SRSF11: variants seen among roughly 807,000 people sequenced by gnomAD.
SRSF11 encodes the protein serine/arginine-rich splicing factor 11.
Under a neutral mutation model 56.0 loss-of-function variants are expected in SRSF11, and 9 were observed. The observed-to-expected ratio is 0.16, with a 90% confidence interval of 0.10 to 0.28. SRSF11 has a LOEUF of 0.28. Among genes scored for constraint, SRSF11 ranks in the 10% least tolerant of loss-of-function variants. SRSF11 has a pLI of 1.00. For synonymous variants in SRSF11, 222 were observed against 215.3 expected (o/e 1.03, Z -0.27); for missense variants, 421 against 600.7 (o/e 0.70, Z 3.13).
chr1:70,234,711 C>T lies in SRSF11; in HGVS notation c.463C>T (p.Leu155=). 1 of 1,606,264 alleles carries T rather than the reference C, an allele frequency of 6.2e-7. No homozygotes were observed. Among genetic ancestry groups the T allele is most frequent in the Non-Finnish European group, 8.5e-7 (1 of 1,177,260 alleles). The change falls in exon 4 of 12, where the codon CTG becomes TTG. Residue 155 remains leucine, a synonymous_variant. Coordinates refer to ENST00000370949, the MANE Select transcript of SRSF11 (RefSeq NM_001350605.2). ...CATTTCACAGATTGGCGCTGTTCCA[C>T]TGGCTGCTTTGGGGGCTCCTACTCT... ...NPLTQIGAVP[L]AALGAPTLDP... is the part of the protein sequence containing the mutation.
chr1:70,243,285 A>C (rs536176232), intron 7 of SRSF11, among the ~76,000 whole-genome samples: 3 of 141,578 alleles, frequency 2.1e-5, no homozygotes, highest in South Asian at 4.7e-4. Context: ...CTGACTATAC[A>C]TGGGTTCCTC....
chr1:70,224,020 T>G (rs1411067297), intron 1 of SRSF11, among the ~76,000 whole-genome samples: 1 of 152,168 alleles, frequency 6.6e-6, no homozygotes, highest in Non-Finnish European at 1.5e-5. Flanking sequence ...TGTACAGACT[T>G]TTTTCTTGTC....
chr1:70,208,458 C>G (rs1571538674), intron 1 of SRSF11, among the ~76,000 whole-genome samples: 1 of 152,134 alleles, frequency 6.6e-6, no homozygotes, highest in Non-Finnish European at 1.5e-5. Context: ...CTCAGCCTCC[C>G]AAGAAGCTGG....
chr1:70,224,921 C>G (rs1002877623), intron 1 of SRSF11, among the ~76,000 whole-genome samples: 2 of 152,124 alleles, frequency 1.3e-5, no homozygotes, highest in Non-Finnish European at 2.9e-5. Flanking sequence ...TACCTTAATC[C>G]TTACAAACCT....
At chr1:70,214,208 C>T (rs17131241) in intron 1 of SRSF11, among the ~76,000 whole-genome samples, 31,086 of 151,926 alleles carry the variant, frequency 0.2, 3,548 homozygotes, top group South Asian at 0.39. Context: ...TTTTTAAGAT[C>T]GTGAAGCATT....
rs116405260 is a variant in SRSF11 at position 70,240,135 on chromosome 1, T to C, written c.800+615T>C. ...CAGGTGTCTTCCTTAATACAGCCATTATACTTCATAAGCATCAGAAGTGAT... is the reference window on the plus strand; with the variant it reads ...CAGGTGTCTTCCTTAATACAGCCATCATACTTCATAAGCATCAGAAGTGAT... On this transcript the variant is annotated intron_variant, in intron 7 of 11. Coordinates refer to ENST00000370949, the MANE Select transcript of SRSF11 (RefSeq NM_001350605.2). Among the ~76,000 whole-genome samples, 1,289 of 152,314 alleles carry C rather than the reference T, an allele frequency of 8.5e-3. 20 individuals are homozygous for C. The highest frequency in any genetic ancestry group is 0.029 in the African/African-American group (1,220 of 41,568).
chr1:70,235,131 T>C (rs1558191621), intron 4 of SRSF11, among the ~76,000 whole-genome samples: 1 of 152,200 alleles, frequency 6.6e-6, no homozygotes. Context: ...TAACCTTTTT[T>C]TCTGAAGTTC....
rs1678051581 is a variant in SRSF11, at chr1:70,252,192, GTCCTT to G, written c.*1389_*1393del. 1 of 152,176 alleles carries G rather than the reference GTCCTT, an allele frequency of 6.6e-6. No individual in the cohort carries two copies. Among genetic ancestry groups the G allele is most frequent in the South Asian group, 2.1e-4 (1 of 4,824 alleles). The allele number at this position is 152,176 out of a possible 1,614,324, so 9.4% of individuals were successfully genotyped here. On this transcript the variant is annotated 3_prime_UTR_variant, in exon 12 of 12. Transcript: ENST00000370949. ...AATGATTTAATTTCTATCCAAAATA[GTCCTT>G]TTCTTAGCTTAGTATCATTTTATTG...
chr1:70,228,826 T>G, intron 2 of SRSF11: 1 of 1,106,556 alleles, frequency 9.0e-7, no homozygotes. Flanking sequence ...CTCCCTGAGA[T>G]ACATCTACTT....
At position 70,239,526 on chromosome 1, in the gene SRSF11, A is replaced by G. The variant is rs780457612; in HGVS notation, c.800+6A>G. ...CCCTCATCTTCTAGACACAGGTTAGATTGCTTTTTAGTCAATTATACCTTA... is the reference window on the plus strand; with the variant it reads ...CCCTCATCTTCTAGACACAGGTTAGGTTGCTTTTTAGTCAATTATACCTTA... On this transcript the variant is annotated splice_donor_region_variant and intron_variant, in intron 7 of 11. Transcript: ENST00000370949. 2 of 1,584,544 alleles carry G rather than the reference A, an allele frequency of 1.3e-6. No homozygotes were observed. The highest frequency in any genetic ancestry group is 1.4e-5 in the African/African-American group (1 of 72,810).
rs763858763 is a variant in SRSF11 at position 70,226,212 on chromosome 1, C to T, written c.204-2210C>T. ...ATCTCAAAAAAAAAAAAATTTTAAT[C>T]GAAAAAATGTTAAGAATGTAATTGT... On this transcript the variant is annotated intron_variant, in intron 1 of 11. Coordinates refer to ENST00000370949, the MANE Select transcript of SRSF11 (RefSeq NM_001350605.2). Among the ~76,000 whole-genome samples, 247 of 151,574 alleles carry T rather than the reference C, an allele frequency of 1.6e-3. 2 individuals are homozygous for T. Among genetic ancestry groups the T allele is most frequent in the Admixed American group, 4.2e-3 (64 of 15,234 alleles).
At chr1:70,231,954 A>G in intron 2 of SRSF11, 1 of 1,531,670 alleles carries the variant, frequency 6.5e-7, no homozygotes, top group Non-Finnish European at 8.7e-7. Context: ...CGTTTGGTTC[A>G]TGACTTAAAA....
intron 10 of SRSF11, 77 bp downstream of exon 10, chr1:70,250,124 T>C: frequency 3.6e-6 from 5 of 1,398,014 alleles, no homozygotes; most frequent in Non-Finnish European, 5.0e-6. Context: ...CTGTAGTTTT[T>C]CTTTTCAGCA....
intron 9 of SRSF11, chr1:70,248,909 T>A (rs1677350643): frequency 6.6e-6 from 1 of 152,168 alleles, no homozygotes; most frequent in South Asian, 2.1e-4. Flanking sequence ...GTCGTGACAA[T>A]GTTTGATAAG....
chr1:70,236,551 C>G (rs1185191192), intron 5 of SRSF11, among the ~76,000 whole-genome samples: 1 of 151,802 alleles, frequency 6.6e-6, no homozygotes, highest in Non-Finnish European at 1.5e-5. Context: ...AGGATGGCCT[C>G]AATCTCCTGA....
intron 7 of SRSF11, 141 bp downstream of exon 7, chr1:70,239,661 T>A: frequency 1.8e-6 from 1 of 553,116 alleles, no homozygotes; most frequent in Non-Finnish European, 3.1e-6. Context: ...GAATGACTGT[T>A]CACACATGTA....
At chr1:70,219,876 T>A (rs1389431353), upstream of SRSF11, among the ~76,000 whole-genome samples, 1 of 152,246 alleles carries the variant, frequency 6.6e-6, no homozygotes, top group Non-Finnish European at 1.5e-5. Flanking sequence ...TCTCACATAT[T>A]GCATCTTGAC....
chr1:70,212,777 A>G (rs1427152006), intron 1 of SRSF11, among the ~76,000 whole-genome samples: 1 of 152,200 alleles, frequency 6.6e-6, no homozygotes, highest in Non-Finnish European at 1.5e-5. Context: ...ATCAATTGAA[A>G]AGATGAGGAA....
At chr1:70,239,324 T>C in intron 6 of SRSF11, 115 bp from the exon 7 acceptor site, 1 of 679,410 alleles carries the variant, frequency 1.5e-6, no homozygotes, top group Non-Finnish European at 2.5e-6. Flanking sequence ...ACTCCTGGAC[T>C]GAAGTGTTGC....
Sources: allele counts gnomAD v4.1 joint callset (sites outside exome capture counted in the v4.1 genomes callset), GRCh38; gene constraint gnomAD v4.1.1; transcripts MANE v1.5; gene names NCBI Gene and HGNC (gene_info 2026-07-23, HGNC 2026-07-21).